The following PRDM5 variants were observed in gnomAD, a reference collection of about 807,000 sequenced individuals.
The protein encoded by PRDM5 is PR domain zinc finger protein 5.
Under a neutral mutation model 81.2 loss-of-function variants are expected in PRDM5, and 56 were observed. That is an observed-to-expected ratio of 0.69 (90% confidence interval 0.56 to 0.86). PRDM5 has a LOEUF of 0.86. PRDM5 is among the 40% of genes least tolerant of loss of function. PRDM5 has a pLI of 0.00. For missense variants in PRDM5, 697 were observed against 770.1 expected, an observed-to-expected ratio of 0.91 and a Z score of 1.12; for synonymous variants, 267 against 256.4, an observed-to-expected ratio of 1.04 and a Z score of -0.39.
At chr4:120,853,218 A>C (rs567202812) in intron 3 of PRDM5, among the ~76,000 whole-genome samples, 200 bp downstream of exon 3, 22 of 152,214 alleles carry the variant, frequency 1.4e-4, no homozygotes, top group South Asian at 6.2e-4. Context: ...AATTCTCATA[A>C]AGTAAGTACC....
intron 2 of PRDM5, among the ~76,000 whole-genome samples, chr4:120,860,257 G>A (rs1760411186): frequency 6.6e-6 from 1 of 152,144 alleles, no homozygotes; most frequent in Non-Finnish European, 1.5e-5. Flanking sequence ...AGCTCATATA[G>A]TGTGTCTTTT....
chr4:120,685,214 T>C (rs1241374560), intron 1 of PRDM5, among the ~76,000 whole-genome samples: 1 of 152,084 alleles, frequency 6.6e-6, no homozygotes. Context: ...ATTTGAATAC[T>C]ATTATTTAAT....
chr4:120,812,321 C>G (rs1400957639), intron 7 of PRDM5, among the ~76,000 whole-genome samples: 1 of 152,114 alleles, frequency 6.6e-6, no homozygotes, highest in Non-Finnish European at 1.5e-5. Context: ...ATTGCTAGCT[C>G]TATCTTCAGT....
chr4:120,825,738 C>T (rs147340217), intron 3 of PRDM5, among the ~76,000 whole-genome samples: 1 of 152,172 alleles, frequency 6.6e-6, no homozygotes, highest in East Asian at 1.9e-4. Context: ...AATAAATCTG[C>T]CTGCCTAGTA....
chr4:120,764,044 A>G lies in PRDM5; in HGVS notation c.1538-9406T>C, dbSNP rs143816847. Among the ~76,000 whole-genome samples the G allele has an allele frequency of 4.0e-3, 602 of 152,280 alleles. 5 individuals are homozygous for G. Among genetic ancestry groups the G allele is most frequent in the African/African-American group, 0.014 (577 of 41,572 alleles). On this transcript the variant is annotated intron_variant, in intron 13 of 15. Transcript: ENST00000264808. ...TTGGTGGAAAAATGGTAGCAACAGCAGAAGAAAGCACAAATTAGGGGAAAT... is the reference window on the plus strand; with the variant it reads ...TTGGTGGAAAAATGGTAGCAACAGCGGAAGAAAGCACAAATTAGGGGAAAT...
intron 14 of PRDM5, among the ~76,000 whole-genome samples, chr4:120,726,386 G>T (rs191330524): frequency 8.5e-5 from 13 of 152,222 alleles, no homozygotes; most frequent in African/African-American, 2.6e-4. Flanking sequence ...TCCTTTGCAT[G>T]CTTAGATGAT....
Position 120,695,166 on chromosome 4 carries a change from C to T in PRDM5, c.1838G>A (p.Arg613Lys). 1 of 1,613,526 alleles carries T rather than the reference C, an allele frequency of 6.2e-7. No homozygotes were observed. Among genetic ancestry groups the T allele is most frequent in the Non-Finnish European group, 8.5e-7 (1 of 1,179,588 alleles). The change falls in exon 16 of 16, where the codon AGG becomes AAG. Residue 613 changes from arginine to lysine, a missense_variant. Arg to Lys is a conservative substitution (Grantham distance 26). Around this residue, in one of 3 missense-constraint regions of PRDM5, gnomAD observed 34 missense variants for 28.1 expected, o/e 1.21. Coordinates refer to ENST00000264808, the MANE Select transcript of PRDM5 (RefSeq NM_018699.4). ...ECQFCHKKFT[R>K]NDYLKVHMDN... ...CATGTGCACTTTGAGGTAGTCATTC[C>T]TTGTAAACTTCTTATGGCAAAACTG...
intron 3 of PRDM5, among the ~76,000 whole-genome samples, chr4:120,842,353 C>T (rs954102060): frequency 8.4e-4 from 128 of 152,298 alleles, no homozygotes; most frequent in African/African-American, 3.0e-3. Context: ...CATTTGCTTT[C>T]TGTTATTTTA....
intron 2 of PRDM5, among the ~76,000 whole-genome samples, chr4:120,868,229 G>T (rs1008269447): frequency 6.6e-6 from 1 of 152,040 alleles, no homozygotes; most frequent in African/African-American, 2.4e-5. Flanking sequence ...GTTTTGCATA[G>T]CTGATTTTAA....
intron 2 of PRDM5, among the ~76,000 whole-genome samples, chr4:120,860,322 C>T (rs574518452): frequency 1.3e-5 from 2 of 152,206 alleles, no homozygotes; most frequent in African/African-American, 4.8e-5. Flanking sequence ...TTTTATAAGA[C>T]ACTTAATGTA....
chr4:120,851,338 C>T (rs1759240877), intron 3 of PRDM5, among the ~76,000 whole-genome samples: 1 of 150,620 alleles, frequency 6.6e-6, no homozygotes, highest in Admixed American at 6.6e-5. Context: ...GTAACATTTA[C>T]AAAGAAACAA....
At chr4:120,807,899 C>T (rs181675774) in intron 8 of PRDM5, among the ~76,000 whole-genome samples, 47 of 152,164 alleles carry the variant, frequency 3.1e-4, no homozygotes, top group Non-Finnish European at 5.7e-4. Context: ...TTCATGGTCT[C>T]GCTGGCTTCA....
chr4:120,908,638 A>G (rs1407536131), intron 1 of PRDM5, among the ~76,000 whole-genome samples: 2 of 152,230 alleles, frequency 1.3e-5, no homozygotes, highest in Non-Finnish European at 2.9e-5. Context: ...GAGAAGCCAT[A>G]AATACTGGCA....
At chr4:120,741,549 A>G (rs1230192998) in intron 14 of PRDM5, among the ~76,000 whole-genome samples, 3 of 151,808 alleles carry the variant, frequency 2.0e-5, no homozygotes, top group Middle Eastern at 3.4e-3. Context: ...CCAGACAGTG[A>G]GCGCAGGTCA....
chr4:120,825,561 T>C (rs1755855510), intron 3 of PRDM5, among the ~76,000 whole-genome samples: 1 of 152,192 alleles, frequency 6.6e-6, no homozygotes, highest in Non-Finnish European at 1.5e-5. Context: ...GAATGATTAC[T>C]TCCCACTGCC....
intron 2 of PRDM5, among the ~76,000 whole-genome samples, chr4:120,854,248 C>T (rs139312479): frequency 1.2e-4 from 19 of 152,220 alleles, no homozygotes; most frequent in African/African-American, 4.1e-4. Context: ...CATTCTTGAA[C>T]CCAAGTTACT....
In PRDM5 at chr4:120,799,762, A is replaced by C. The variant is rs1240871550; in HGVS notation, c.946-17T>G. ...CTCATGAATCTGCAAAAGGTTAAAT[A>C]GACAGTTAAATCAACTGTCAAAGCC... is the stretch of plus-strand genomic sequence containing the variant. On this transcript the variant is annotated splice_polypyrimidine_tract_variant and intron_variant, in intron 8 of 15. Transcript: ENST00000264808. The C allele has an allele frequency of 1.6e-5, 26 of 1,608,274 alleles. No homozygotes were observed. Among genetic ancestry groups the C allele is most frequent in the Non-Finnish European group, 2.2e-5 (26 of 1,176,520 alleles).
chr4:120,782,345 T>C (rs1350715168), intron 11 of PRDM5, among the ~76,000 whole-genome samples: 2 of 152,102 alleles, frequency 1.3e-5, no homozygotes, highest in Non-Finnish European at 2.9e-5. Flanking sequence ...TAAGAGATTA[T>C]CTCAATTTTA....
At chr4:120,816,073 A>T (rs922906294) in intron 7 of PRDM5, 1 of 229,110 alleles carries the variant, frequency 4.4e-6, no homozygotes, top group Admixed American at 5.2e-5. Context: ...TACTGTAAAA[A>T]TAATAAGGCA....
Sources: allele counts gnomAD v4.1 joint callset (sites outside exome capture counted in the v4.1 genomes callset), GRCh38; gene constraint gnomAD v4.1.1; regional missense constraint gnomAD v4.1.1; transcripts MANE v1.5; gene names NCBI Gene and HGNC (gene_info 2026-07-23, HGNC 2026-07-21).